The following IL1RAPL2 variants were observed in gnomAD, a reference collection of about 807,000 sequenced individuals.
IL1RAPL2 encodes X-linked interleukin-1 receptor accessory protein-like 2.
In IL1RAPL2, 3 loss-of-function variants were observed where a neutral mutation model predicts 44.1. The ratio of observed to expected loss-of-function variants is 0.07; its 90% CI spans 0.03 to 0.18. IL1RAPL2 has a LOEUF of 0.18. Among genes scored for constraint, IL1RAPL2 ranks in the 10% least tolerant of loss-of-function variants. The pLI, the probability that IL1RAPL2 is intolerant of heterozygous loss-of-function variation, is 1.00. For synonymous variants in IL1RAPL2, 181 were observed against 178.8 expected (o/e 1.01, Z -0.10); for missense variants, 391 against 496.4 (o/e 0.79, Z 2.02).
intron 5 of IL1RAPL2, among the ~76,000 whole-genome samples, chrX:105,349,256 G>A (rs1377522925): frequency 1.8e-5 from 2 of 111,660 alleles, no homozygotes; most frequent in Non-Finnish European, 3.8e-5. Flanking sequence ...AAATTAAAGG[G>A]GAAAGGTTTT....
chrX:105,494,355 GAATT>G (rs781217253), intron 6 of IL1RAPL2, among the ~76,000 whole-genome samples: 50 of 111,718 alleles, frequency 4.5e-4, no homozygotes, highest in Middle Eastern at 4.7e-3. Context: ...GGAAAAAATA[GAATT>G]ATTTATGATC....
In IL1RAPL2 at chrX:105,688,049, C is replaced by G. The variant is rs950497991; in HGVS notation, c.773-29318C>G. Among the ~76,000 whole-genome samples, 5 of 111,715 alleles carry G rather than the reference C, an allele frequency of 4.5e-5. No homozygotes were observed. The Admixed American group carries it at 4.8e-4, about 11-fold the overall frequency. On this transcript the variant is annotated intron_variant, in intron 6 of 10. Coordinates refer to ENST00000372582, the MANE Select transcript of IL1RAPL2 (RefSeq NM_017416.2). ...CTTCATGCTAAAAACTCTCAATAAA[C>G]TAGGTATTGATGGAACCTATCTCAA...
At chrX:104,705,717 C>A (rs1931353859) in intron 2 of IL1RAPL2, among the ~76,000 whole-genome samples, 1 of 111,374 alleles carries the variant, frequency 9.0e-6, no homozygotes, top group African/African-American at 3.3e-5. Context: ...ATAGCCCCAG[C>A]TAAACTGGAG....
chrX:105,134,738 C>T (rs954476611), intron 2 of IL1RAPL2, among the ~76,000 whole-genome samples: 44 of 111,500 alleles, frequency 3.9e-4, no homozygotes, highest in African/African-American at 1.4e-3. Context: ...TCCATTTGTT[C>T]TTCAGAAAGG....
At position 104,839,399 on chromosome X, in the gene IL1RAPL2, G is replaced by A. The variant is rs188694438; in HGVS notation, c.82+180404G>A. ...TGATGGATTACGTTTATTGATTTGCGTATATTGAACCAGCCTTGCATCCCA... is the reference window on the plus strand; with the variant it reads ...TGATGGATTACGTTTATTGATTTGCATATATTGAACCAGCCTTGCATCCCA... On this transcript the variant is annotated intron_variant, in intron 2 of 10. Coordinates refer to ENST00000372582, the MANE Select transcript of IL1RAPL2 (RefSeq NM_017416.2). Among the ~76,000 whole-genome samples the A allele has an allele frequency of 1.8e-3, 200 of 111,698 alleles. 1 individual carries two copies. Among genetic ancestry groups the A allele is most frequent in the African/African-American group, 6.0e-3 (184 of 30,741 alleles).
At chrX:104,775,847 A>G (rs1284929616) in intron 2 of IL1RAPL2, among the ~76,000 whole-genome samples, 1 of 110,612 alleles carries the variant, frequency 9.0e-6, no homozygotes, top group African/African-American at 3.3e-5. Flanking sequence ...GCCATAAGTA[A>G]AAGGGTTTAT....
intron 6 of IL1RAPL2, among the ~76,000 whole-genome samples, chrX:105,624,469 C>A (rs192034728): frequency 9.0e-6 from 1 of 111,574 alleles, no homozygotes; most frequent in African/African-American, 3.3e-5. Context: ...CTGTTATCTA[C>A]ATCTACAACT....
intron 2 of IL1RAPL2, among the ~76,000 whole-genome samples, chrX:105,148,119 A>G (rs1436836823): frequency 9.0e-6 from 1 of 111,670 alleles, no homozygotes; most frequent in Non-Finnish European, 1.9e-5. Flanking sequence ...TCAAAAGTCA[A>G]TGATATATTG....
chrX:105,219,950 G>T (rs1413466059), intron 3 of IL1RAPL2: 1 of 1,187,572 alleles, frequency 8.4e-7, no homozygotes, highest in Admixed American at 2.2e-5. Context: ...GCATGGAGCG[G>T]CTTCCAACTC....
intron 2 of IL1RAPL2, among the ~76,000 whole-genome samples, chrX:105,150,356 T>C (rs922394418): frequency 2.7e-5 from 3 of 111,965 alleles, no homozygotes; most frequent in Non-Finnish European, 5.6e-5. Context: ...GCTACATCTG[T>C]TTCCACTAGG....
intron 8 of IL1RAPL2, among the ~76,000 whole-genome samples, chrX:105,741,341 A>G (rs1216896519): frequency 8.9e-6 from 1 of 112,030 alleles, no homozygotes; most frequent in Admixed American, 9.5e-5. Flanking sequence ...AAACAATCTC[A>G]GCAGCTAGAG....
intron 2 of IL1RAPL2, among the ~76,000 whole-genome samples, chrX:105,163,607 G>A (rs2033345910): frequency 1.8e-5 from 2 of 111,927 alleles, no homozygotes; most frequent in South Asian, 7.5e-4. Flanking sequence ...TTTACATTGA[G>A]TTAGCAGAAT....
chrX:105,629,719 T>G (rs982801970), intron 6 of IL1RAPL2, among the ~76,000 whole-genome samples: 1 of 111,848 alleles, frequency 8.9e-6, no homozygotes, highest in African/African-American at 3.2e-5. Flanking sequence ...ATCTTCATGT[T>G]TTCCCCCAAA....
chrX:105,704,791 A>C (rs377151430), intron 6 of IL1RAPL2, among the ~76,000 whole-genome samples: 14 of 109,177 alleles, frequency 1.3e-4, no homozygotes, highest in Non-Finnish European at 2.3e-4. Flanking sequence ...CACCCCACCC[A>C]CCAACAGGAG....
chrX:105,346,242 C>G (rs1279880995), intron 5 of IL1RAPL2, among the ~76,000 whole-genome samples: 1 of 111,862 alleles, frequency 8.9e-6, no homozygotes, highest in African/African-American at 3.3e-5. Context: ...CGGGAGTCAA[C>G]AATTCTGTGT....
intron 2 of IL1RAPL2, among the ~76,000 whole-genome samples, chrX:104,728,105 TAAAG>T (rs907096565): frequency 4.5e-5 from 5 of 109,897 alleles, no homozygotes; most frequent in African/African-American, 1.7e-4. Flanking sequence ...TCTATAAAAA[TAAAG>T]AAAAAGAAAA....
intron 2 of IL1RAPL2, among the ~76,000 whole-genome samples, chrX:105,151,822 A>G (rs1033725161): frequency 9.0e-6 from 1 of 111,443 alleles, no homozygotes; most frequent in Non-Finnish European, 1.9e-5. Flanking sequence ...TCAGCCATAA[A>G]AAGGAATGAA....
chrX:105,586,534 C>T (rs2037130006), intron 6 of IL1RAPL2, among the ~76,000 whole-genome samples: 1 of 111,545 alleles, frequency 9.0e-6, no homozygotes, highest in South Asian at 3.7e-4. Flanking sequence ...TTGGTTTATG[C>T]CCAGAGAAGC....
intron 1 of IL1RAPL2, among the ~76,000 whole-genome samples, chrX:104,632,441 C>T (rs1406766979): frequency 9.0e-6 from 1 of 111,512 alleles, no homozygotes; most frequent in African/African-American, 3.3e-5. Flanking sequence ...ACAGTGTGGC[C>T]ATTTTCACGA....
Sources: gnomAD v4.1 joint callset for allele counts (sites outside exome capture counted in the v4.1 genomes callset) on GRCh38, gnomAD v4.1.1 for gene constraint, MANE v1.5 for transcripts, NCBI Gene and HGNC (gene_info 2026-07-23, HGNC 2026-07-21) for gene names.